SLC35F4: variants seen among roughly 807,000 people sequenced by gnomAD.
The protein encoded by SLC35F4 is solute carrier family 35 member F4, also known as chromosome 14 open reading frame 36.
In SLC35F4, 24 loss-of-function variants were observed where a neutral mutation model predicts 44.2. The ratio of observed to expected loss-of-function variants is 0.54; its 90% CI spans 0.39 to 0.76. SLC35F4 has a LOEUF of 0.76. Among genes scored for constraint, SLC35F4 ranks in the 30% least tolerant of loss-of-function variants. The pLI is 0.00. For synonymous variants in SLC35F4, 238 were observed against 223.6 expected (o/e 1.06, Z -0.57); for missense variants, 562 against 586.1 (o/e 0.96, Z 0.42).
intron 1 of SLC35F4, among the ~76,000 whole-genome samples, chr14:57,635,940 C>A (rs777079468): frequency 7.2e-5 from 11 of 152,090 alleles, no homozygotes; most frequent in Non-Finnish European, 1.3e-4. Flanking sequence ...AGAAATGGAG[C>A]CTTAACTCAT....
intron 1 of SLC35F4, among the ~76,000 whole-genome samples, chr14:57,925,265 TATA>T (rs1889534366): frequency 6.6e-6 from 1 of 152,126 alleles, no homozygotes; most frequent in African/African-American, 2.4e-5. Context: ...GCACCATTTT[TATA>T]ATGTCTGCCT....
chr14:57,952,207 G>C (rs1448479838), intron 1 of SLC35F4, among the ~76,000 whole-genome samples: 2 of 152,134 alleles, frequency 1.3e-5, no homozygotes, highest in Non-Finnish European at 2.9e-5. Context: ...TGGCTGTTAG[G>C]AGGAAAACTA....
chr14:57,619,029 C>T (rs752089920), intron 1 of SLC35F4, among the ~76,000 whole-genome samples: 6 of 152,262 alleles, frequency 3.9e-5, no homozygotes, highest in Non-Finnish European at 8.8e-5. Context: ...GAAAAAAAGG[C>T]GGCAGCTCCA....
upstream of SLC35F4, among the ~76,000 whole-genome samples, chr14:57,870,307 G>A (rs1035191768): frequency 6.6e-5 from 10 of 151,602 alleles, no homozygotes; most frequent in Non-Finnish European, 7.4e-5. Context: ...TACTGTACTC[G>A]GCAGTACAGC....
upstream of SLC35F4, among the ~76,000 whole-genome samples, chr14:57,870,389 C>G (rs114168956): frequency 4.6e-5 from 7 of 152,070 alleles, no homozygotes; most frequent in Non-Finnish European, 7.4e-5. Context: ...TTTCTAGCTG[C>G]GTGACCTTGG....
chr14:57,647,045 T>C (rs1036614724), intron 1 of SLC35F4, among the ~76,000 whole-genome samples: 6 of 152,328 alleles, frequency 3.9e-5, no homozygotes, highest in African/African-American at 1.2e-4. Context: ...CTTCCAACTA[T>C]GTGGTCAATT....
chr14:57,600,721 C>A (rs57951710), intron 1 of SLC35F4, among the ~76,000 whole-genome samples: 31,580 of 129,058 alleles, frequency 0.24, 4,874 homozygotes, highest in Middle Eastern at 0.34. Flanking sequence ...AAAAAAAAAC[C>A]AAAAAGATAA....
Position 57,866,034 on chromosome 14 carries a change from G to C in SLC35F4, c.-209C>G, listed in dbSNP as rs770113586. The stretch of plus-strand genomic sequence containing the variant: ...CGGCGGAGCGGCCCCCACTCGGGCC[G>C]GCCTCTCCGTCAGCCTGGCAGCTCT... On this transcript the variant is annotated 5_prime_UTR_variant, in exon 1 of 8. Coordinates refer to ENST00000556826, the MANE Select transcript of SLC35F4 (RefSeq NM_001306087.2). 3.1e-6 allele frequency: 1 copy of C among 318,002 alleles called. No homozygotes were observed. The highest frequency in any genetic ancestry group is 5.6e-6 in the Non-Finnish European group (1 of 179,688). 19.7% of individuals were successfully genotyped at this position (318,002 alleles called of 1,614,324 possible). A position where few individuals can be genotyped will look rare whatever the true frequency, so the allele number is the denominator to read the frequency against.
At chr14:57,851,737 G>A (rs1189648391) in intron 1 of SLC35F4, among the ~76,000 whole-genome samples, 1 of 152,096 alleles carries the variant, frequency 6.6e-6, no homozygotes, top group Non-Finnish European at 1.5e-5. Context: ...AACCTTAATT[G>A]AAAAACTGGT....
chr14:57,955,770 ACTGCT>A (rs1216787684), intron 1 of SLC35F4, among the ~76,000 whole-genome samples: 1 of 152,204 alleles, frequency 6.6e-6, no homozygotes, highest in Non-Finnish European at 1.5e-5. Context: ...ACTACAAACC[ACTGCT>A]CAATGAAATA....
chr14:57,635,070 T>G (rs2072959360), intron 1 of SLC35F4, among the ~76,000 whole-genome samples: 2 of 151,850 alleles, frequency 1.3e-5, no homozygotes. Flanking sequence ...GGCATCATAG[T>G]GAAACTCTGT....
intron 1 of SLC35F4, among the ~76,000 whole-genome samples, chr14:57,660,314 T>G (rs1180426431): frequency 6.6e-6 from 1 of 152,200 alleles, no homozygotes; most frequent in South Asian, 2.1e-4. Context: ...GTATCTGGAA[T>G]AGATTCAACA....
chr14:57,837,562 G>A (rs2224417), intron 1 of SLC35F4: 27,464 of 152,036 alleles, frequency 0.18, 2,585 homozygotes, highest in Admixed American at 0.26. Flanking sequence ...CCACACGTGC[G>A]TATAGGAGAG....
chr14:57,682,429 T>C (rs1350629692), intron 1 of SLC35F4, among the ~76,000 whole-genome samples: 1 of 152,008 alleles, frequency 6.6e-6, no homozygotes, highest in Non-Finnish European at 1.5e-5. Context: ...TCACTCATAA[T>C]TGGGAACTGA....
At chr14:57,894,332 A>G (rs1181467876) in intron 1 of SLC35F4, among the ~76,000 whole-genome samples, 1 of 152,090 alleles carries the variant, frequency 6.6e-6, no homozygotes, top group East Asian at 1.9e-4. Flanking sequence ...AGACAGTTGT[A>G]CAAAATGTCC....
chr14:57,846,808 G>C (rs1236592162), intron 1 of SLC35F4, among the ~76,000 whole-genome samples: 1 of 152,174 alleles, frequency 6.6e-6, no homozygotes, highest in Non-Finnish European at 1.5e-5. Flanking sequence ...GTGTCAGGGG[G>C]TTTCAGAGAG....
intron 1 of SLC35F4, among the ~76,000 whole-genome samples, chr14:57,728,574 A>G (rs1444062318): frequency 6.8e-6 from 1 of 147,872 alleles, no homozygotes; most frequent in Non-Finnish European, 1.5e-5. Flanking sequence ...TCAGCCTCCC[A>G]AGTAGCTGGA....
chr14:57,789,187 T>C (rs1211957917), intron 1 of SLC35F4, among the ~76,000 whole-genome samples: 1 of 152,040 alleles, frequency 6.6e-6, no homozygotes, highest in African/African-American at 2.4e-5. Flanking sequence ...CACAAAACCC[T>C]TCAAAAAATC....
intron 7 of SLC35F4, 35 bp downstream of exon 7, chr14:57,566,440 G>T: frequency 1.3e-6 from 2 of 1,550,450 alleles, no homozygotes; most frequent in South Asian, 1.2e-5. Flanking sequence ...GACTTGTAGT[G>T]GCCAGGATCT....
Sources: gnomAD v4.1 joint callset for allele counts (sites outside exome capture counted in the v4.1 genomes callset) on GRCh38, gnomAD v4.1.1 for gene constraint, MANE v1.5 for transcripts, NCBI Gene and HGNC (gene_info 2026-07-23, HGNC 2026-07-21) for gene names.